Variants in PALLD observed in about 807,000 individuals in gnomAD.
The protein encoded by PALLD is palladin, cytoskeletal associated protein, also known as palladin.
Under a neutral mutation model 123.5 loss-of-function variants are expected in PALLD, and 61 were observed. The ratio of observed to expected loss-of-function variants is 0.49; its 90% CI spans 0.40 to 0.61. The LOEUF is 0.61. Among genes scored for constraint, PALLD ranks in the 20% least tolerant of loss-of-function variants. The pLI, the probability that PALLD is intolerant of heterozygous loss-of-function variation, is 0.00. For missense variants in PALLD, 1,273 were observed against 1,377.0 expected (o/e 0.92, Z 1.20); for synonymous variants, 465 against 496.4 (o/e 0.94, Z 0.84).
At chr4:168,776,576 CT>C (rs888527846) in intron 10 of PALLD, among the ~76,000 whole-genome samples, 1 of 152,138 alleles carries the variant, frequency 6.6e-6, no homozygotes, top group African/African-American at 2.4e-5. Flanking sequence ...TGCCTTGTTC[CT>C]TATATTAGGG....
chr4:168,778,226 A>G (rs1239703759), intron 10 of PALLD, among the ~76,000 whole-genome samples: 2 of 152,044 alleles, frequency 1.3e-5, no homozygotes, highest in African/African-American at 4.8e-5. Context: ...TTTTAGTAGG[A>G]TCTTTTTGTT....
rs549433136 is a variant in PALLD, at chr4:168,523,682, C to T, written c.908+11270C>T. ...AAGCCTGGTCACTCCAGTCCAGGGG[C>T]CTTGTTATCCCCTAATGAGGAGGTC... is the stretch of plus-strand genomic sequence containing the variant. On this transcript the variant is annotated intron_variant, in intron 2 of 21. Transcript: ENST00000505667. Among the ~76,000 whole-genome samples, 3 of 152,206 alleles carry T rather than the reference C, an allele frequency of 2.0e-5. No homozygotes were observed. In the South Asian group the frequency reaches 6.2e-4, roughly 32 times the overall value.
rs754260166 is a variant in PALLD at position 168,691,311 on chromosome 4, T to A, written c.1501+19T>A. 2.3e-6 allele frequency: 2 copies of A among 854,886 alleles called. No homozygotes were observed. The highest frequency in any genetic ancestry group is 8.8e-5 in the East Asian group (2 of 22,692). 53.0% of individuals were successfully genotyped at this position (854,886 alleles called of 1,614,324 possible). A position where few individuals can be genotyped will look rare whatever the true frequency, so the allele number is the denominator to read the frequency against. ...GAACCTGGTAAGAATATTTTTAGGG[T>A]TTTTTTTTTTGGTGGTGGGGGAGCA... is the stretch of plus-strand genomic sequence containing the variant. On this transcript the variant is annotated intron_variant, in intron 8 of 21. Transcript: ENST00000505667.
chr4:168,598,053 T>A (rs1310695050), intron 2 of PALLD, among the ~76,000 whole-genome samples: 1 of 152,162 alleles, frequency 6.6e-6, no homozygotes, highest in East Asian at 1.9e-4. Flanking sequence ...AAAATGTATA[T>A]CCTTTTAATA....
chr4:168,684,599 T>TC (rs1781853765), intron 5 of PALLD, among the ~76,000 whole-genome samples: 1 of 152,316 alleles, frequency 6.6e-6, no homozygotes, highest in African/African-American at 2.4e-5. Flanking sequence ...CTTGGAACAG[T>TC]CCCTGGCATA....
intron 10 of PALLD, among the ~76,000 whole-genome samples, chr4:168,874,225 T>C (rs1336756931): frequency 3.9e-5 from 6 of 152,218 alleles, no homozygotes; most frequent in Non-Finnish European, 7.3e-5. Context: ...TAACTGTGAC[T>C]CTAGCCCTTT....
rs190751046 is a variant in PALLD at position 168,590,993 on chromosome 4, C to T, written c.909-77197C>T. Among the ~76,000 whole-genome samples, 57 of 148,616 alleles carry T rather than the reference C, an allele frequency of 3.8e-4. 3 individuals are homozygous for T. In the East Asian group the frequency reaches 9.1e-3, roughly 24 times the overall value. On this transcript the variant is annotated intron_variant, in intron 2 of 21. Coordinates refer to ENST00000505667, the MANE Select transcript of PALLD (RefSeq NM_001166108.2). ...CCCCCAGGTTCAAGCAATTCTCCTG[C>T]CTCATCCTCCTGAGTAGCTGGGATT...
chr4:168,906,667 C>T (rs957620679), intron 15 of PALLD, among the ~76,000 whole-genome samples: 1 of 152,088 alleles, frequency 6.6e-6, no homozygotes, highest in Non-Finnish European at 1.5e-5. Flanking sequence ...CTCAGTCACC[C>T]AGGCTGGAGT....
At chr4:168,693,854 A>G (rs1015814476) in intron 8 of PALLD, among the ~76,000 whole-genome samples, 2 of 151,972 alleles carry the variant, frequency 1.3e-5, no homozygotes, top group South Asian at 2.1e-4. Flanking sequence ...GCAGCATTAA[A>G]TAAAATCCAT....
At chr4:168,879,771 AG>A (rs2151131167) in intron 10 of PALLD, among the ~76,000 whole-genome samples, 1 of 152,394 alleles carries the variant, frequency 6.6e-6, no homozygotes, top group South Asian at 2.1e-4. Context: ...AGTCCAAAAA[AG>A]GAGCCAAATA....
intron 10 of PALLD, among the ~76,000 whole-genome samples, chr4:168,789,286 G>A (rs774580563): frequency 2.0e-5 from 3 of 152,202 alleles, no homozygotes; most frequent in Non-Finnish European, 4.4e-5. Flanking sequence ...AATGGGAAGA[G>A]TTGGGGCAGG....
rs1743750331 is a variant in PALLD, at chr4:168,828,615, C to G, written c.1965-62307C>G. 3.9e-5 allele frequency among the ~76,000 whole-genome samples: 6 copies of G among 152,270 alleles called. No homozygotes were observed. The South Asian group carries it at 1.0e-3, about 26-fold the overall frequency. ...TCGTTTTAGTGTTTTAGTTTTTAAC[C>G]ACCTATGTTTCACTATTTTCATTGT... On this transcript the variant is annotated intron_variant, in intron 10 of 21. Transcript: ENST00000505667.
At chr4:168,559,080 T>G (rs1767605557) in intron 2 of PALLD, among the ~76,000 whole-genome samples, 1 of 152,214 alleles carries the variant, frequency 6.6e-6, no homozygotes, top group Non-Finnish European at 1.5e-5. Context: ...TAACTCACCC[T>G]GAATTACAAA....
intron 2 of PALLD, chr4:168,530,792 A>G (rs901829140): frequency 6.6e-6 from 1 of 152,242 alleles, no homozygotes; most frequent in Non-Finnish European, 1.5e-5. Flanking sequence ...AAAGCTAAAT[A>G]TCATTTTAAG....
In PALLD at chr4:168,914,090, G is replaced by C. The variant is rs1454886848; in HGVS notation, c.2717+69G>C. 1.5e-5 allele frequency: 14 copies of C among 952,714 alleles called. No individual in the cohort carries two copies. The East Asian group carries it at 3.1e-4, about 21-fold the overall frequency. 59.0% of individuals were successfully genotyped at this position (952,714 alleles called of 1,614,324 possible). Reference sequence around the variant, plus strand: ...TATTACTATAAATGTAGTACTATTAGAATCATCATATGACCACAAAAGTAA... The same window carrying C: ...TATTACTATAAATGTAGTACTATTACAATCATCATATGACCACAAAAGTAA... On this transcript the variant is annotated intron_variant, in intron 16 of 21. Coordinates refer to ENST00000505667, the MANE Select transcript of PALLD (RefSeq NM_001166108.2).
intron 2 of PALLD, among the ~76,000 whole-genome samples, chr4:168,527,254 C>T (rs969839490): frequency 6.6e-6 from 1 of 151,914 alleles, no homozygotes; most frequent in African/African-American, 2.4e-5. Flanking sequence ...GAAACCCTGT[C>T]TCTACTAAAA....
At chr4:168,703,949 A>C (rs1393037329) in intron 8 of PALLD, among the ~76,000 whole-genome samples, 1 of 152,146 alleles carries the variant, frequency 6.6e-6, no homozygotes, top group Admixed American at 6.5e-5. Flanking sequence ...TTTTGTTGCC[A>C]TTGCTTTTGG....
Position 168,620,816 on chromosome 4 carries a change from C to A in PALLD, c.909-47374C>A, listed in dbSNP as rs144656665. ...ATGGGTCTATACCTCAAAATTAAGC[C>A]ACACAGTATATGCAAAAAGTATGAG... On this transcript the variant is annotated intron_variant, in intron 2 of 21. Coordinates refer to ENST00000505667, the MANE Select transcript of PALLD (RefSeq NM_001166108.2). Among the ~76,000 whole-genome samples, 461 of 152,278 alleles carry A rather than the reference C, an allele frequency of 3.0e-3. 2 individuals are homozygous for A. Among genetic ancestry groups the A allele is most frequent in the African/African-American group, 0.01 (431 of 41,550 alleles).
At chr4:168,829,970 G>T (rs1011776568) in intron 10 of PALLD, among the ~76,000 whole-genome samples, 12 of 152,318 alleles carry the variant, frequency 7.9e-5, no homozygotes, top group Admixed American at 7.2e-4. Flanking sequence ...AGTGGGTCAT[G>T]CCTATAATCC....
Sources: allele counts gnomAD v4.1 joint callset (sites outside exome capture counted in the v4.1 genomes callset), GRCh38; gene constraint gnomAD v4.1.1; transcripts MANE v1.5; gene names NCBI Gene and HGNC (gene_info 2026-07-23, HGNC 2026-07-21).